CAPN8: variants seen among roughly 807,000 people sequenced by gnomAD.
The protein encoded by CAPN8 is calpain 8.
CAPN8 carries 87 observed loss-of-function variants against 80.9 expected under a neutral mutation model. That is an observed-to-expected ratio of 1.07 (90% CI 0.90 to 1.28). CAPN8 has a LOEUF of 1.28. Ranked by LOEUF, CAPN8 falls within the 50% of genes most tolerant of loss-of-function variation. The pLI, the probability that CAPN8 is intolerant of heterozygous loss-of-function variation, is 0.00. For missense variants in CAPN8, 757 were observed against 702.0 expected (o/e 1.08, Z -0.89); for synonymous variants, 299 against 273.8 (o/e 1.09, Z -0.91).
chr1:223,612,860 G>A (rs1484472697), intron 10 of CAPN8, among the ~76,000 whole-genome samples: 1 of 152,164 alleles, frequency 6.6e-6, no homozygotes, highest in African/African-American at 2.4e-5. Flanking sequence ...AGGAGATGTG[G>A]AAAGAAAGAA....
chr1:223,627,235 T>C, intron 4 of CAPN8, 78 bp from the exon 5 acceptor site: 2 of 1,439,446 alleles, frequency 1.4e-6, no homozygotes, highest in Non-Finnish European at 1.9e-6. Context: ...GGGACAGTGC[T>C]AGGACATACT....
chr1:223,657,998 TCA>T (rs779189122), intron 1 of CAPN8, among the ~76,000 whole-genome samples: 17 of 152,084 alleles, frequency 1.1e-4, no homozygotes, highest in African/African-American at 4.1e-4. Flanking sequence ...GCATTTCTCC[TCA>T]GTCTCCTTCA....
At chr1:223,610,875 G>T (rs191330296) in intron 11 of CAPN8, among the ~76,000 whole-genome samples, 2 of 152,212 alleles carry the variant, frequency 1.3e-5, no homozygotes, top group East Asian at 3.9e-4. Context: ...AGCACCCCAG[G>T]GTAACTTGTT....
At chr1:223,638,797 C>T (rs564237345) in intron 2 of CAPN8, among the ~76,000 whole-genome samples, 1 of 152,326 alleles carries the variant, frequency 6.6e-6, no homozygotes, top group African/African-American at 2.4e-5. Flanking sequence ...TGTCCTAATC[C>T]ATTCACCCCG....
rs529717586 is a variant in CAPN8, at chr1:223,652,929, T to C, written c.307+1401A>G. Reference sequence around the variant, plus strand: ...CCATGGTAACGCTCAGGCCGCTTTTTGGAAACCCTCACTTCTCCTTGCTTA... The same window carrying C: ...CCATGGTAACGCTCAGGCCGCTTTTCGGAAACCCTCACTTCTCCTTGCTTA... On this transcript the variant is annotated intron_variant, in intron 2 of 20. Transcript: ENST00000366872. 2.6e-5 allele frequency among the ~76,000 whole-genome samples: 4 copies of C among 152,156 alleles called. No individual in the cohort carries two copies. In the South Asian group the frequency reaches 8.3e-4, roughly 32 times the overall value.
chr1:223,634,119 A>G (rs1657849994), intron 2 of CAPN8, among the ~76,000 whole-genome samples: 1 of 152,198 alleles, frequency 6.6e-6, no homozygotes, highest in Non-Finnish European at 1.5e-5. Flanking sequence ...ATGAGAGACA[A>G]CGGAAGTGCC....
chr1:223,620,323 G>T lies in CAPN8; in HGVS notation c.900-57C>A, dbSNP rs879240045. On this transcript the variant is annotated intron_variant, in intron 7 of 20. Transcript: ENST00000366872. ...CTGAGAGGTTCTACAAGCAGGGCAA[G>T]CTGTTTACTGCAGCTAAGCTTCCCC... 3 of 1,429,064 alleles carry T rather than the reference G, an allele frequency of 2.1e-6. No individual in the cohort carries two copies. The South Asian group carries it at 3.7e-5, about 18-fold the overall frequency. The allele number at this position is 1,429,064 out of a possible 1,614,324, so 88.5% of individuals were successfully genotyped here.
chr1:223,619,787 T>C (rs2102705251), intron 8 of CAPN8, among the ~76,000 whole-genome samples: 1 of 152,346 alleles, frequency 6.6e-6, no homozygotes, highest in South Asian at 2.1e-4. Flanking sequence ...AGAGGTTTCT[T>C]TTTGTTTAAT....
chr1:223,543,376 T>A (rs1176169972), intron 19 of CAPN8, among the ~76,000 whole-genome samples: 1 of 145,028 alleles, frequency 6.9e-6, no homozygotes, highest in African/African-American at 2.6e-5. Context: ...GATGCCCCCC[T>A]GCCGAAACAG....
intron 9 of CAPN8, chr1:223,617,992 C>T (rs1221191047): frequency 2.1e-6 from 1 of 470,412 alleles, no homozygotes; most frequent in Non-Finnish European, 3.8e-6. Context: ...CTTGTCAAGA[C>T]CCAGCACTGC....
At chr1:223,663,933 C>T (rs1227862430) in intron 1 of CAPN8, among the ~76,000 whole-genome samples, 5 of 152,210 alleles carry the variant, frequency 3.3e-5, no homozygotes, top group African/African-American at 1.2e-4. Context: ...AATAGGAACC[C>T]TGACTTAATT....
intron 14 of CAPN8, among the ~76,000 whole-genome samples, chr1:223,553,018 G>A (rs1026680969): frequency 3.4e-4 from 52 of 152,274 alleles, no homozygotes; most frequent in Admixed American, 5.9e-4. Flanking sequence ...TTTCCTGCAA[G>A]GGATTCTGAT....
intron 1 of CAPN8, among the ~76,000 whole-genome samples, chr1:223,656,523 G>T (rs2102737557): frequency 6.6e-6 from 1 of 151,788 alleles, no homozygotes; most frequent in Admixed American, 6.6e-5. Context: ...ACATGAACAT[G>T]AGAAAAAAAA....
chr1:223,641,886 C>T lies in CAPN8; in HGVS notation c.307+12444G>A, dbSNP rs73125695. Among the ~76,000 whole-genome samples the T allele has an allele frequency of 5.4e-3, 816 of 152,306 alleles. 9 individuals are homozygous for T. The highest frequency in any genetic ancestry group is 0.018 in the African/African-American group (742 of 41,562). The stretch of plus-strand genomic sequence containing the variant: ...GAGTAAATAGGCTGTGAAAGTTCTT[C>T]CTGATTCTGACAAATGAGTATGTCA... On this transcript the variant is annotated intron_variant, in intron 2 of 20. Transcript: ENST00000366872.
At chr1:223,610,003 T>C (rs992822889) in intron 11 of CAPN8, among the ~76,000 whole-genome samples, 3 of 152,192 alleles carry the variant, frequency 2.0e-5, no homozygotes, top group Non-Finnish European at 4.4e-5. Flanking sequence ...GACCCACTTA[T>C]TTGTTGCGGG....
rs374807845 is a variant in CAPN8 at position 223,657,723 on chromosome 1, G to A, written c.238-3324C>T. On this transcript the variant is annotated intron_variant, in intron 1 of 20. Transcript: ENST00000366872. ...AGAGGTTGCAGTGAGCCAAGATTGCGCCACTGCACTTTAGCCTGGGCAACA... is the reference window on the plus strand; with the variant it reads ...AGAGGTTGCAGTGAGCCAAGATTGCACCACTGCACTTTAGCCTGGGCAACA... Among the ~76,000 whole-genome samples the A allele has an allele frequency of 2.6e-4, 40 of 152,210 alleles. 1 individual carries two copies. In the East Asian group the frequency reaches 2.7e-3, roughly 10 times the overall value.
At chr1:223,653,446 A>T (rs548162430) in intron 2 of CAPN8, among the ~76,000 whole-genome samples, 1 of 150,282 alleles carries the variant, frequency 6.7e-6, no homozygotes, top group African/African-American at 2.5e-5. Flanking sequence ...AAAAGAGAAA[A>T]CCTCCTGAAA....
chr1:223,628,210 G>C lies in CAPN8; in HGVS notation c.427-68C>G, dbSNP rs1343874685. ...ATGTGTAAAGGGAGTCCCTCCAGGG[G>C]ACCTCACGTGGGGACTCTGTGCCAT... On this transcript the variant is annotated intron_variant, in intron 3 of 20. Transcript: ENST00000366872. 2.7e-6 allele frequency: 4 copies of C among 1,467,142 alleles called. No homozygotes were observed. The African/African-American group carries it at 5.7e-5, about 21-fold the overall frequency. The allele number at this position is 1,467,142 out of a possible 1,614,324, so 90.9% of individuals were successfully genotyped here.
At chr1:223,660,387 A>T (rs1658612840) in intron 1 of CAPN8, among the ~76,000 whole-genome samples, 1 of 152,120 alleles carries the variant, frequency 6.6e-6, no homozygotes, top group Non-Finnish European at 1.5e-5. Flanking sequence ...CCTGCTAAGA[A>T]CACCCCCGAT....
Sources: allele counts gnomAD v4.1 joint callset (sites outside exome capture counted in the v4.1 genomes callset), GRCh38; gene constraint gnomAD v4.1.1; transcripts MANE v1.5; gene names NCBI Gene and HGNC (gene_info 2026-07-23, HGNC 2026-07-21).